Variants in ZNF320 observed in about 807,000 individuals in gnomAD.
ZNF320 encodes zinc finger gene 320.
ZNF320 carries 2 observed loss-of-function variants against 6.8 expected under a neutral mutation model. The ratio of observed to expected loss-of-function variants is 0.29; its 90% CI spans 0.12 to 0.93. The LOEUF is 0.93. Ranked by LOEUF, ZNF320 falls within the 40% of genes least tolerant of loss-of-function variation. ZNF320 has a pLI of 0.55. For synonymous variants in ZNF320, 208 were observed against 203.2 expected (o/e 1.02, Z -0.20); for missense variants, 472 against 611.0 (o/e 0.77, Z 2.40).
intron 5 of ZNF320, among the ~76,000 whole-genome samples, chr19:52,864,649 T>G (rs1053775885): frequency 2.6e-5 from 4 of 152,096 alleles, no homozygotes; most frequent in Non-Finnish European, 4.4e-5. Flanking sequence ...AGGCAGAGGA[T>G]GCAGTGAGCC....
rs2063919126 is a variant in ZNF320 at position 52,881,502 on chromosome 19, A to G, written c.624T>C (p.Thr208=). 1.9e-6 allele frequency: 3 copies of G among 1,613,972 alleles called. No homozygotes were observed. In the East Asian group the frequency reaches 6.7e-5, roughly 36 times the overall value. Residue 208 remains threonine (T), a synonymous_variant, in exon 6 of 6, where the codon ACT becomes ACC. Transcript: ENST00000682928. ...AATGTTTGTCTCCCCTGTGAATTCT[A>G]GTATGTTTTGCCAGGTGTGAATCAT... The part of the protein sequence containing the change: ...FKHDSHLAKH[T]RIHRGDKHYT...
chr19:52,867,912 A>AT (rs933932287), intron 5 of ZNF320, among the ~76,000 whole-genome samples: 5 of 151,608 alleles, frequency 3.3e-5, no homozygotes, highest in African/African-American at 1.2e-4. Context: ...GCACCCGGCC[A>AT]TTTTTTTTGT....
rs550233396 is a variant in ZNF320, at chr19:52,886,889, C to T, written c.142+1238G>A. On this transcript the variant is annotated intron_variant, in intron 5 of 5. Transcript: ENST00000682928. ...GGCAGAGGCTGCAGTTAGCCAAGAT[C>T]GTTCCACTGCACTGTAGCCTGGATG... Among the ~76,000 whole-genome samples the T allele has an allele frequency of 9.3e-5, 14 of 150,560 alleles. No individual in the cohort carries two copies. The East Asian group carries it at 1.2e-3, about 13-fold the overall frequency.
At chr19:52,866,439 A>T (rs574210430) in intron 5 of ZNF320, among the ~76,000 whole-genome samples, 1 of 152,030 alleles carries the variant, frequency 6.6e-6, no homozygotes, top group South Asian at 2.1e-4. Flanking sequence ...CATTCTTGGT[A>T]ACGGTGAAAA....
exon 6 of ZNF320, among the ~76,000 whole-genome samples, chr19:52,863,145 A>G (rs2063495765): frequency 6.6e-6 from 1 of 152,060 alleles, no homozygotes; most frequent in Non-Finnish European, 1.5e-5. Context: ...TTTTTAGTAG[A>G]GACAGGGTTT....
At chr19:52,874,193 C>T (rs1282732974), downstream of ZNF320, 1 of 202,182 alleles carries the variant, frequency 4.9e-6, no homozygotes, top group Admixed American at 5.9e-5. Context: ...CCCACTACAC[C>T]AGAGATTATG....
chr19:52,890,556 G>C (rs1686842271), intron 3 of ZNF320, among the ~76,000 whole-genome samples: 1 of 152,158 alleles, frequency 6.6e-6, no homozygotes. Context: ...CCCCTTCAGG[G>C]CACAGACTCA....
intron 5 of ZNF320, among the ~76,000 whole-genome samples, chr19:52,884,643 G>T (rs1223939553): frequency 6.6e-6 from 1 of 152,030 alleles, no homozygotes; most frequent in Non-Finnish European, 1.5e-5. Context: ...GTACATTCCA[G>T]GTTTCACCAT....
intron 5 of ZNF320, among the ~76,000 whole-genome samples, chr19:52,886,609 G>T (rs899411426): frequency 6.6e-6 from 1 of 152,170 alleles, no homozygotes; most frequent in Admixed American, 6.5e-5. Context: ...AACCACTTAT[G>T]TTTACTAAGA....
upstream of ZNF320, among the ~76,000 whole-genome samples, chr19:52,900,974 GCTTA>G (rs1291516535): frequency 6.6e-6 from 1 of 151,108 alleles, no homozygotes; most frequent in Non-Finnish European, 1.5e-5. Context: ...ATTCTATGCT[GCTTA>G]CTATCAATAG....
In ZNF320 at chr19:52,880,648, C is replaced by T. The variant is rs768248205; in HGVS notation, c.1478G>A (p.Gly493Glu). Residue 493 changes from glycine (G) to glutamate (E), a missense_variant, in exon 6 of 6, where the codon GGA (glycine) becomes GAA (glutamate). Around this residue, in one of 2 missense-constraint regions of ZNF320, gnomAD observed 462 missense variants for 559.7 expected, o/e 0.83. Transcript: ENST00000682928. ...CTCATTGCACTTGAAACAATTGTCTCCAAAAGGAATTTTCTGATGTTCTGC... is the reference window on the plus strand; with the variant it reads ...CTCATTGCACTTGAAACAATTGTCTTCAAAAGGAATTTTCTGATGTTCTGC... ...LLAEHQKIPF[G>E]DNCFKCNEYS... 6.2e-7 allele frequency: 1 copy of T among 1,613,256 alleles called. No homozygotes were observed. The highest frequency in any genetic ancestry group is 8.5e-7 in the Non-Finnish European group (1 of 1,179,632).
rs2063792464 is a variant in ZNF320 at position 52,877,315 on chromosome 19, A to G, written c.*3281T>C. ...GGTCTGGAAAGGTGGAATAACTGGA[A>G]TTGGGGACCTTCTGGGTCACAGGTA... On this transcript the variant is annotated 3_prime_UTR_variant, in exon 6 of 6. Transcript: ENST00000682928. The G allele has an allele frequency of 6.6e-6, 1 of 152,244 alleles. No homozygotes were observed. Among genetic ancestry groups the G allele is most frequent in the African/African-American group, 2.4e-5 (1 of 41,460 alleles). The allele number at this position is 152,244 out of a possible 1,614,324, so 9.4% of individuals were successfully genotyped here.
exon 6 of ZNF320, chr19:52,863,871 A>T: frequency 3.8e-6 from 1 of 265,880 alleles, no homozygotes; most frequent in Non-Finnish European, 7.3e-6. Flanking sequence ...TCTCCACTAA[A>T]GATACAAAAT....
At chr19:52,885,226 A>C (rs1292153899) in intron 5 of ZNF320, among the ~76,000 whole-genome samples, 1 of 152,034 alleles carries the variant, frequency 6.6e-6, no homozygotes, top group Non-Finnish European at 1.5e-5. Context: ...TAAATGACAG[A>C]AGGCTAAAGA....
intron 2 of ZNF320, among the ~76,000 whole-genome samples, chr19:52,892,713 A>ACC (rs1336996151): frequency 0.014 from 2,059 of 151,472 alleles, 23 homozygotes; most frequent in Non-Finnish European, 0.022. Context: ...ATCTCTGTGC[A>ACC]TCCTCTGCTC....
At chr19:52,892,985 TCTC>T (rs547231037) in intron 2 of ZNF320, among the ~76,000 whole-genome samples, 49 of 152,208 alleles carry the variant, frequency 3.2e-4, no homozygotes, top group African/African-American at 1.1e-3. Flanking sequence ...CAGTTGCTTT[TCTC>T]CTCCTGCTTT....
chr19:52,864,063 A>G (rs547925242), exon 6 of ZNF320: 36 of 504,406 alleles, frequency 7.1e-5, no homozygotes, highest in African/African-American at 6.3e-4. Flanking sequence ...TAGTTCTCCC[A>G]CATCACAGCC....
At chr19:52,888,792 A>G (rs900961476) in intron 4 of ZNF320, among the ~76,000 whole-genome samples, 3 of 152,188 alleles carry the variant, frequency 2.0e-5, no homozygotes, top group South Asian at 2.1e-4. Context: ...AGATTTTCAA[A>G]ATATATACGT....
chr19:52,895,756 G>A (rs1460574544), intron 1 of ZNF320: 1 of 152,064 alleles, frequency 6.6e-6, no homozygotes, highest in Non-Finnish European at 1.5e-5. Flanking sequence ...GTTGCAGTGA[G>A]CCGAGATCGT....
Sources: allele counts gnomAD v4.1 joint callset (sites outside exome capture counted in the v4.1 genomes callset), GRCh38; gene constraint gnomAD v4.1.1; regional missense constraint gnomAD v4.1.1; transcripts MANE v1.5; gene names NCBI Gene and HGNC (gene_info 2026-07-23, HGNC 2026-07-21).